ESR2: variants seen among roughly 807,000 people sequenced by gnomAD.
ESR2 encodes estrogen receptor beta.
In ESR2, 36 loss-of-function variants were observed where a neutral mutation model predicts 49.6. The ratio of observed to expected loss-of-function variants is 0.73; its 90% CI spans 0.56 to 0.96. The LOEUF (loss-of-function observed/expected upper bound fraction) is 0.96, where lower values mean the gene tolerates loss of function less well. Among genes scored for constraint, ESR2 ranks in the 40% least tolerant of loss-of-function variants. ESR2 has a pLI of 0.00. For missense variants in ESR2, 714 were observed against 693.0 expected (o/e 1.03, Z -0.34); for synonymous variants, 320 against 266.1 (o/e 1.20, Z -1.97).
At chr14:64,273,587 C>T (rs1177649507) in intron 3 of ESR2, among the ~76,000 whole-genome samples, 4 of 134,776 alleles carry the variant, frequency 3.0e-5, no homozygotes, top group South Asian at 4.4e-4. Context: ...TTCATTCTGT[C>T]GATATGGTGC....
At chr14:64,235,883 T>C (rs1457061656) in intron 7 of ESR2, among the ~76,000 whole-genome samples, 2 of 152,198 alleles carry the variant, frequency 1.3e-5, no homozygotes, top group Non-Finnish European at 2.9e-5. Flanking sequence ...AGGATTGAGA[T>C]ACTGTGGCAT....
chr14:64,229,119 G>A lies in ESR2; in HGVS notation c.*4018C>T, dbSNP rs1567721939. ...CTCATGAACCTGAGATGGGACAATG[G>A]GAATAACAGATTATGCATCTTATTT... On this transcript the variant is annotated 3_prime_UTR_variant, in exon 9 of 9. Transcript: ENST00000341099. 6.6e-6 allele frequency among the ~76,000 whole-genome samples: 1 copy of A among 152,142 alleles called. No homozygotes were observed. The highest frequency in any genetic ancestry group is 1.5e-5 in the Non-Finnish European group (1 of 68,010).
chr14:64,248,808 C>G (rs2075923887), intron 7 of ESR2, among the ~76,000 whole-genome samples: 1 of 152,070 alleles, frequency 6.6e-6, no homozygotes, highest in African/African-American at 2.4e-5. Context: ...CTCTAATGGG[C>G]CCCCGGCTTC....
At chr14:64,233,472 C>G in intron 8 of ESR2, 149 bp from the exon 9 acceptor site, 1 of 689,708 alleles carries the variant, frequency 1.4e-6, no homozygotes, top group Non-Finnish European at 2.4e-6. Context: ...CTCGTGCATC[C>G]AGCTCCCCCT....
At chr14:64,278,461 GT>G (rs1412629179) in intron 3 of ESR2, among the ~76,000 whole-genome samples, 2 of 151,928 alleles carry the variant, frequency 1.3e-5, no homozygotes, top group Non-Finnish European at 2.9e-5. Context: ...TCCTCTTAGA[GT>G]TATCAATGGG....
At chr14:64,249,283 G>C (rs1055856036) in intron 7 of ESR2, among the ~76,000 whole-genome samples, 7 of 152,040 alleles carry the variant, frequency 4.6e-5, no homozygotes, top group African/African-American at 1.7e-4. Flanking sequence ...ACAATTTAAA[G>C]TTCCTTTTTT....
chr14:64,319,331 A>G (rs560931465), intron 1 of ESR2, among the ~76,000 whole-genome samples: 12 of 152,298 alleles, frequency 7.9e-5, no homozygotes, highest in African/African-American at 2.9e-4. Flanking sequence ...CTCCTAGAAG[A>G]CAACGTAGGA....
rs1367633095 is a variant in ESR2, at chr14:64,268,882, T to C, written c.565A>G (p.Asn189Asp). The C allele has an allele frequency of 6.2e-7, 1 of 1,612,474 alleles. No homozygotes were observed. The highest frequency in any genetic ancestry group is 8.5e-7 in the Non-Finnish European group (1 of 1,178,532). The change falls in exon 4 of 9, where the codon AAT becomes GAT. Residue 189 changes from asparagine to aspartate, a missense_variant. Asn to Asp is a conservative substitution (Grantham distance 23). Coordinates refer to ENST00000341099, the MANE Select transcript of ESR2 (RefSeq NM_001437.3). ...GHNDYICPATNQCTIDKNRRK... is the reference protein window; with the variant it reads ...GHNDYICPATDQCTIDKNRRK... ...CGGTTTTTATCGATTGTACACTGAT[T>C]TGTAGCTGGACAAATATAATCATTA...
intron 1 of ESR2, among the ~76,000 whole-genome samples, chr14:64,333,853 T>C (rs2077495074): frequency 6.6e-6 from 1 of 152,218 alleles, no homozygotes; most frequent in Non-Finnish European, 1.5e-5. Flanking sequence ...ATGAGAAGTT[T>C]GTTTTGAAGA....
chr14:64,274,541 CAA>C (rs1301656716), intron 3 of ESR2, among the ~76,000 whole-genome samples: 2 of 151,776 alleles, frequency 1.3e-5, no homozygotes, highest in Non-Finnish European at 2.9e-5. Context: ...TTTATTTTCT[CAA>C]AAAAACCTTC....
intron 1 of ESR2, among the ~76,000 whole-genome samples, chr14:64,315,137 G>A (rs1369393147): frequency 3.3e-5 from 5 of 150,712 alleles, no homozygotes; most frequent in African/African-American, 7.3e-5. Flanking sequence ...CCAGCTACTC[G>A]GGAGGCTGAG....
Position 64,260,125 on chromosome 14 carries a change from G to A in ESR2, c.952+324C>T, listed in dbSNP as rs559237372. The A allele has an allele frequency of 2.3e-4, 125 of 550,864 alleles. 1 individual carries two copies. Among genetic ancestry groups the A allele is most frequent in the African/African-American group, 1.8e-3 (99 of 53,986 alleles). 34.1% of individuals were successfully genotyped at this position (550,864 alleles called of 1,614,324 possible). ...CACAGGATAGGGTTTGTGCAAGGTGGTATGGGATGCATCTAGCCATGGGAA... is the reference window on the plus strand; with the variant it reads ...CACAGGATAGGGTTTGTGCAAGGTGATATGGGATGCATCTAGCCATGGGAA... On this transcript the variant is annotated intron_variant, in intron 5 of 8. Transcript: ENST00000341099.
At chr14:64,237,673 G>T (rs943897741) in intron 7 of ESR2, among the ~76,000 whole-genome samples, 10 of 152,200 alleles carry the variant, frequency 6.6e-5, no homozygotes, top group African/African-American at 2.4e-4. Flanking sequence ...ACAAAATGTG[G>T]TCTATCCATA....
At chr14:64,334,662 T>G (rs2077506865) in intron 1 of ESR2, among the ~76,000 whole-genome samples, 1 of 152,242 alleles carries the variant, frequency 6.6e-6, no homozygotes, top group South Asian at 2.1e-4. Context: ...CTTATTTTAT[T>G]TTTTTGAGAC....
downstream of ESR2, chr14:64,228,143 C>G (rs1342438412): frequency 4.0e-6 from 4 of 1,008,694 alleles, no homozygotes; most frequent in Non-Finnish European, 5.3e-6. Flanking sequence ...CTTAACTCTT[C>G]TGAAATTGTA....
Position 64,230,632 on chromosome 14 carries a change from T to A in ESR2, c.*2505A>T, listed in dbSNP as rs1333920521. Among the ~76,000 whole-genome samples, 8 of 152,104 alleles carry A rather than the reference T, an allele frequency of 5.3e-5. No homozygotes were observed. The East Asian group carries it at 1.4e-3, about 26-fold the overall frequency. Reference sequence around the variant, plus strand: ...TTGAGAAAAATCCCTTCAAGACTATTTTAGGGTCAAGTCTTTTGTAGTCAG... The same window carrying A: ...TTGAGAAAAATCCCTTCAAGACTATATTAGGGTCAAGTCTTTTGTAGTCAG... On this transcript the variant is annotated 3_prime_UTR_variant, in exon 9 of 9. Transcript: ENST00000341099.
intron 7 of ESR2, among the ~76,000 whole-genome samples, chr14:64,236,736 C>T (rs1294570833): frequency 6.6e-6 from 1 of 152,094 alleles, no homozygotes; most frequent in Admixed American, 6.5e-5. Flanking sequence ...AGATTCCAAC[C>T]TGGTCAGAAA....
intron 1 of ESR2, among the ~76,000 whole-genome samples, chr14:64,284,903 G>A (rs1482664750): frequency 6.7e-6 from 1 of 149,638 alleles, no homozygotes; most frequent in Non-Finnish European, 1.5e-5. Context: ...AGGCTGGAGT[G>A]CAGTGGCGCA....
At chr14:64,309,190 A>G (rs769526176) in intron 1 of ESR2, among the ~76,000 whole-genome samples, 2 of 152,156 alleles carry the variant, frequency 1.3e-5, no homozygotes, top group Non-Finnish European at 2.9e-5. Context: ...GTCCCTAAAG[A>G]ACAAAAGGAG....
Sources: allele counts gnomAD v4.1 joint callset (sites outside exome capture counted in the v4.1 genomes callset), GRCh38; gene constraint gnomAD v4.1.1; transcripts MANE v1.5; gene names NCBI Gene and HGNC (gene_info 2026-07-23, HGNC 2026-07-21).